The following SCHIP1 variants were observed in gnomAD, a reference collection of about 807,000 sequenced individuals.
SCHIP1 encodes the protein schwannomin interacting protein 1, also known as schwannomin-interacting protein 1.
Under a neutral mutation model 29.7 loss-of-function variants are expected in SCHIP1, and 8 were observed. The ratio of observed to expected loss-of-function variants is 0.27; its 90% CI spans 0.16 to 0.49. SCHIP1 has a LOEUF of 0.49. SCHIP1 is among the 20% of genes least tolerant of loss of function. The pLI is 0.99. For synonymous variants in SCHIP1, 76 were observed against 94.9 expected, an observed-to-expected ratio of 0.80 and a Z score of 1.16; for missense variants, 193 against 294.6, an observed-to-expected ratio of 0.66 and a Z score of 2.52.
the SCHIP1 span, among the ~76,000 whole-genome samples, chr3:159,684,837 G>GA: frequency 0.012 from 1,607 of 136,954 alleles, 24 homozygotes; most frequent in African/African-American, 0.039. Context: ...AAAGAAAAAA[G>GA]AAAAAAAAAA....
chr3:159,595,036 G>A, the SCHIP1 span, among the ~76,000 whole-genome samples: 437 of 152,256 alleles, frequency 2.9e-3, 3 homozygotes, highest in African/African-American at 9.9e-3. Flanking sequence ...ATCACCCAGC[G>A]AGTGACAAAG....
the SCHIP1 span, among the ~76,000 whole-genome samples, chr3:159,617,374 T>A: frequency 6.6e-6 from 1 of 152,220 alleles, no homozygotes; most frequent in Non-Finnish European, 1.5e-5. Flanking sequence ...AGGAGCTTTT[T>A]CTGAAGTTTC....
the SCHIP1 span, among the ~76,000 whole-genome samples, chr3:159,665,829 G>A: frequency 6.6e-6 from 1 of 152,278 alleles, no homozygotes; most frequent in South Asian, 2.1e-4. Flanking sequence ...AGACTCTGAA[G>A]GGGCAGGCAT....
intron 2 of SCHIP1, among the ~76,000 whole-genome samples, chr3:159,867,970 G>GATTTATATATATATATATAAATCAC (rs1714801383): frequency 7.0e-6 from 1 of 143,852 alleles, no homozygotes; most frequent in Non-Finnish European, 1.5e-5. Flanking sequence ...TTGAAAATCA[G>GATTTATATATATATATATAAATCAC]TGATTTATAT....
At chr3:159,413,191 C>T in the SCHIP1 span, among the ~76,000 whole-genome samples, 1 of 152,052 alleles carries the variant, frequency 6.6e-6, no homozygotes, top group Admixed American at 6.5e-5. Context: ...CTGGTTCTGC[C>T]CTTGATACAT....
the SCHIP1 span, among the ~76,000 whole-genome samples, chr3:159,291,347 A>C: frequency 4.7e-4 from 72 of 152,286 alleles, no homozygotes; most frequent in Non-Finnish European, 3.1e-4. Context: ...TATGTGATTA[A>C]TATGAAAAAA....
the SCHIP1 span, among the ~76,000 whole-genome samples, chr3:159,393,229 G>A: frequency 1.3e-5 from 2 of 152,170 alleles, no homozygotes; most frequent in East Asian, 1.9e-4. Flanking sequence ...TGTCAGATGA[G>A]TAGGCTGAGA....
At chr3:159,700,069 C>G in the SCHIP1 span, among the ~76,000 whole-genome samples, 4,675 of 152,276 alleles carry the variant, frequency 0.031, 117 homozygotes, top group East Asian at 0.061. Flanking sequence ...CATTTAGAAA[C>G]TTTTCTACCT....
At chr3:159,627,484 C>G in the SCHIP1 span, among the ~76,000 whole-genome samples, 2 of 152,116 alleles carry the variant, frequency 1.3e-5, no homozygotes, top group Admixed American at 6.6e-5. Context: ...TATTATAATT[C>G]CCATTTTACA....
At chr3:159,446,044 A>AAT in the SCHIP1 span, among the ~76,000 whole-genome samples, 10 of 143,560 alleles carry the variant, frequency 7.0e-5, no homozygotes, top group African/African-American at 2.7e-4. Flanking sequence ...ATAATAATAA[A>AAT]AAGAAAATTC....
chr3:159,283,807 A>C, the SCHIP1 span, among the ~76,000 whole-genome samples: 8 of 152,168 alleles, frequency 5.3e-5, no homozygotes, highest in African/African-American at 1.9e-4. Context: ...TCCTTTCCAA[A>C]AGTCTTATTG....
the SCHIP1 span, among the ~76,000 whole-genome samples, chr3:159,672,897 A>G: frequency 6.6e-6 from 1 of 152,220 alleles, no homozygotes; most frequent in Non-Finnish European, 1.5e-5. Flanking sequence ...TGATGGTTAC[A>G]CTAGTAGTAA....
the SCHIP1 span, chr3:159,764,552 G>C: frequency 4.4e-6 from 7 of 1,599,640 alleles, no homozygotes; most frequent in Non-Finnish European, 5.1e-6. The surrounding 1 kb of genome is among the most constrained non-coding windows in gnomAD (Gnocchi z 6.1). Flanking sequence ...TGCTCCGAGT[G>C]CAAATCTTCA....
chr3:159,481,517 T>TA, the SCHIP1 span, among the ~76,000 whole-genome samples: 3 of 152,106 alleles, frequency 2.0e-5, no homozygotes, highest in South Asian at 2.1e-4. Context: ...GGACTTACAC[T>TA]AAAAAAAAGT....
chr3:159,802,902 C>T, the SCHIP1 span, among the ~76,000 whole-genome samples: 1 of 152,154 alleles, frequency 6.6e-6, no homozygotes, highest in Non-Finnish European at 1.5e-5. Context: ...CAATCCTGCT[C>T]ATCCTCAATA....
chr3:159,817,837 C>T, the SCHIP1 span, among the ~76,000 whole-genome samples: 619 of 152,290 alleles, frequency 4.1e-3, 3 homozygotes, highest in Admixed American at 5.5e-3. Flanking sequence ...TTGGTTTGAA[C>T]GGCCTTGGGA....
chr3:159,419,777 C>G, the SCHIP1 span, among the ~76,000 whole-genome samples: 6 of 152,186 alleles, frequency 3.9e-5, no homozygotes, highest in African/African-American at 1.4e-4. Flanking sequence ...CCATTGCACT[C>G]TAGCCTGGGC....
chr3:159,621,813 C>G, the SCHIP1 span, among the ~76,000 whole-genome samples: 2 of 151,954 alleles, frequency 1.3e-5, no homozygotes, highest in African/African-American at 4.8e-5. Context: ...TTACAGGTGC[C>G]CATCATCATG....
At chr3:159,460,593 C>CCTGT in the SCHIP1 span, among the ~76,000 whole-genome samples, 1 of 152,066 alleles carries the variant, frequency 6.6e-6, no homozygotes, top group African/African-American at 2.4e-5. Flanking sequence ...TCAACATGTC[C>CCTGT]CTGTCTACCT....
Sources: allele counts gnomAD v4.1 joint callset (sites outside exome capture counted in the v4.1 genomes callset), GRCh38; gene constraint gnomAD v4.1.1; non-coding constraint Gnocchi (gnomAD v3.1); transcripts MANE v1.5; gene names NCBI Gene and HGNC (gene_info 2026-07-23, HGNC 2026-07-21).